Variants in ANKRD36 observed in about 807,000 individuals in gnomAD.
ANKRD36 encodes ankyrin repeat domain-containing protein 36A.
Under a neutral mutation model 278.1 loss-of-function variants are expected in ANKRD36, and 179 were observed. That is an observed-to-expected ratio of 0.64 (90% confidence interval 0.57 to 0.73). The LOEUF is 0.73. Among genes scored for constraint, ANKRD36 ranks in the 30% least tolerant of loss-of-function variants. ANKRD36 has a pLI of 0.00. For synonymous variants in ANKRD36, 320 were observed against 641.1 expected (o/e 0.50, Z 7.57); for missense variants, 1,159 against 1,956.7 (o/e 0.59, Z 7.69).
chr2:97,194,047 A>T (rs188838067), intron 38 of ANKRD36, among the ~76,000 whole-genome samples: 1 of 151,674 alleles, frequency 6.6e-6, no homozygotes. Context: ...TATTGAGGCT[A>T]ATATATTATC....
At chr2:97,262,915 GT>G in intron 75 of ANKRD36, among the ~76,000 whole-genome samples, 1 of 144,846 alleles carries the variant, frequency 6.9e-6, no homozygotes, top group South Asian at 3.7e-4. Flanking sequence ...CTGCAAAACT[GT>G]GAGCCAAACA....
rs554467253 is a variant in ANKRD36, at chr2:97,149,184, G to C, written c.1035-111G>C. On this transcript the variant is annotated intron_variant, in intron 11 of 75. Transcript: ENST00000420699. ...ACATGCAGATAACTGAGTTTCCTCA[G>C]ACTTTGTTTTACCATTTTTTTGGAG... 62 of 832,102 alleles carry C rather than the reference G, an allele frequency of 7.5e-5. No individual in the cohort carries two copies. The South Asian group carries it at 9.1e-4, about 12-fold the overall frequency. The allele number at this position is 832,102 out of a possible 1,614,324, so 51.5% of individuals were successfully genotyped here. A position where few individuals can be genotyped will look rare whatever the true frequency, so the allele number is the denominator to read the frequency against.
intron 36 of ANKRD36, 25 bp downstream of exon 36, chr2:97,191,206 G>T (rs756183111): frequency 9.6e-6 from 15 of 1,556,472 alleles, no homozygotes; most frequent in Non-Finnish European, 8.7e-7. Context: ...GACATTTAAT[G>T]TCATATTCAG....
chr2:97,157,114 G>T, intron 15 of ANKRD36, among the ~76,000 whole-genome samples: 1 of 136,148 alleles, frequency 7.3e-6, no homozygotes, highest in Non-Finnish European at 1.6e-5. Flanking sequence ...AATTTTATTG[G>T]TTTTTGTTTT....
In ANKRD36 at chr2:97,217,552, T is replaced by C. The variant is rs573138517; in HGVS notation, c.3775+180T>C. On this transcript the variant is annotated intron_variant, in intron 64 of 75. Coordinates refer to ENST00000420699, the MANE Select transcript of ANKRD36 (RefSeq NM_001354587.1). The stretch of plus-strand genomic sequence containing the variant: ...ATGCTGCTGGTCCTTGGCCATGATC[T>C]TAGTAACAAGCTTATAGACTTCCCT... Among the ~76,000 whole-genome samples, 623 of 152,136 alleles carry C rather than the reference T, an allele frequency of 4.1e-3. 3 individuals carry two copies. Among genetic ancestry groups the C allele is most frequent in the African/African-American group, 0.014 (578 of 41,536 alleles).
At chr2:97,183,042 C>T (rs2056618515) in intron 26 of ANKRD36, among the ~76,000 whole-genome samples, 1 of 151,630 alleles carries the variant, frequency 6.6e-6, no homozygotes. Flanking sequence ...GTGATGAATA[C>T]TTGCAGTATA....
At position 97,154,767 on chromosome 2, in the gene ANKRD36, T is replaced by G. The variant is rs2047041675; in HGVS notation, c.1260+26T>G. The G allele has an allele frequency of 2.8e-6, 4 of 1,443,238 alleles. No homozygotes were observed. In the South Asian group the frequency reaches 3.7e-5, roughly 13 times the overall value. 89.4% of individuals were successfully genotyped at this position (1,443,238 alleles called of 1,614,324 possible). A position where few individuals can be genotyped will look rare whatever the true frequency, so the allele number is the denominator to read the frequency against. ...GTAGAGTACTCTCTTGTGAAATTAA[T>G]TTTCTCATTCTGAATCTCATTTTTT... On this transcript the variant is annotated intron_variant, in intron 15 of 75. Transcript: ENST00000420699.
At chr2:97,227,694 G>A (rs1447763812) in intron 67 of ANKRD36, among the ~76,000 whole-genome samples, 1 of 152,122 alleles carries the variant, frequency 6.6e-6, no homozygotes, top group Non-Finnish European at 1.5e-5. Flanking sequence ...GGGCATCCCT[G>A]TCTTGTGCCC....
intron 6 of ANKRD36, among the ~76,000 whole-genome samples, chr2:97,131,271 C>T (rs1056462902): frequency 1.8e-4 from 27 of 151,670 alleles, no homozygotes; most frequent in African/African-American, 6.3e-4. Context: ...CTCACTGCAG[C>T]CTCAAACTTC....
In ANKRD36 at chr2:97,192,879, C is replaced by G. The variant is rs1397306225; in HGVS notation, c.2369C>G (p.Ala790Gly). 4 of 1,603,744 alleles carry G rather than the reference C, an allele frequency of 2.5e-6. No individual in the cohort carries two copies. Among genetic ancestry groups the G allele is most frequent in the South Asian group, 2.2e-5 (2 of 90,700 alleles). ...TCAGTGTCTTCTCAGAAACCACCAG[C>G]CTTGACGGTAATGAAACACTCATTT... is the stretch of plus-strand genomic sequence containing the variant. The part of the protein sequence containing the change: ...SGTVSSQKPP[A>G]LTATSDEEGS... The change falls in exon 37 of 76, where the codon GCC becomes GGC. Residue 790 changes from alanine to glycine, a missense_variant. Ala to Gly is a moderately conservative substitution (Grantham distance 60). Transcript: ENST00000420699.
At chr2:97,159,875 G>A (rs1218432803) in intron 17 of ANKRD36, among the ~76,000 whole-genome samples, 7 of 151,114 alleles carry the variant, frequency 4.6e-5, no homozygotes, top group South Asian at 4.3e-4. Context: ...TCCACCTCCC[G>A]GGTTCACGCC....
At chr2:97,221,772 CT>C (rs202158980) in intron 66 of ANKRD36, among the ~76,000 whole-genome samples, 4,810 of 147,908 alleles carry the variant, frequency 0.033, 264 homozygotes, top group African/African-American at 0.12. Flanking sequence ...TGCAGAAGCT[CT>C]TTAGTTTAAT....
chr2:97,201,948 T>C (rs1385682991), intron 46 of ANKRD36, among the ~76,000 whole-genome samples: 35 of 151,968 alleles, frequency 2.3e-4, no homozygotes, highest in African/African-American at 7.5e-4. Context: ...GATATTGACA[T>C]GGTTTTATTT....
intron 26 of ANKRD36, among the ~76,000 whole-genome samples, chr2:97,182,871 A>G (rs1259007261): frequency 2.0e-5 from 3 of 151,746 alleles, no homozygotes; most frequent in Admixed American, 6.6e-5. Flanking sequence ...ATTACACCAC[A>G]TGGGTTTGAG....
chr2:97,125,296 A>G (rs563426010), intron 5 of ANKRD36, among the ~76,000 whole-genome samples: 1 of 150,582 alleles, frequency 6.6e-6, no homozygotes, highest in South Asian at 2.1e-4. Flanking sequence ...AGTTGCACAT[A>G]CTTATATGCT....
At position 97,192,840 on chromosome 2, in the gene ANKRD36, A is replaced by G. The variant is rs766159751; in HGVS notation, c.2348-18A>G. On this transcript the variant is annotated intron_variant, in intron 36 of 75. Transcript: ENST00000420699. ...CATAGTTACATATGAGTGATTATGT[A>G]TCCCTTTTGCTTTTCAGTGTCTTCT... 16 of 1,599,550 alleles carry G rather than the reference A, an allele frequency of 1.0e-5. 1 individual carries two copies. The East Asian group carries it at 2.7e-4, about 27-fold the overall frequency.
rs546673438 is a variant in ANKRD36 at position 97,193,044 on chromosome 2, T to C, written c.2440T>C (p.Ser814Pro). 1 of 1,555,610 alleles carries C rather than the reference T, an allele frequency of 6.4e-7. No homozygotes were observed. The highest frequency in any genetic ancestry group is 1.4e-5 in the African/African-American group (1 of 73,138). The change falls in exon 38 of 76, where the codon TCT becomes CCT. Residue 814 changes from serine (S) to proline (P), a missense_variant. Coordinates refer to ENST00000420699, the MANE Select transcript of ANKRD36 (RefSeq NM_001354587.1). ...CAGAGAAAACAAGGATGGAGAAAAATCTAGGACAGGTAATTTTGAAAAGAG... is the reference window on the plus strand; with the variant it reads ...CAGAGAAAACAAGGATGGAGAAAAACCTAGGACAGGTAATTTTGAAAAGAG... ...IARENKDGEK[S>P]RTVSSRKKPA...
At chr2:97,179,716 A>G (rs2055555749) in intron 22 of ANKRD36, 22 bp from the exon 23 acceptor site, 1 of 1,593,122 alleles carries the variant, frequency 6.3e-7, no homozygotes. Flanking sequence ...ATGATTGATT[A>G]TGTATCCCTT....
intron 3 of ANKRD36, among the ~76,000 whole-genome samples, chr2:97,121,085 T>G (rs1476419085): frequency 6.6e-6 from 1 of 152,126 alleles, no homozygotes; most frequent in Non-Finnish European, 1.5e-5. Context: ...TATATTTTAG[T>G]AAATATTTCA....
Sources: allele counts gnomAD v4.1 joint callset (sites outside exome capture counted in the v4.1 genomes callset), GRCh38; gene constraint gnomAD v4.1.1; transcripts MANE v1.5; gene names NCBI Gene and HGNC (gene_info 2026-07-23, HGNC 2026-07-21).